Variants in MEIG1 observed in about 807,000 individuals in gnomAD.
MEIG1 encodes the protein meiosis/spermiogenesis associated 1.
Under a neutral mutation model 11.3 loss-of-function variants are expected in MEIG1, and 12 were observed. The observed-to-expected ratio is 1.07, with a 90% CI of 0.68 to 1.73. The LOEUF (loss-of-function observed/expected upper bound fraction) is 1.73, where lower values mean the gene tolerates loss of function less well. Among genes scored for constraint, MEIG1 ranks in the 40% most tolerant of loss-of-function variants. MEIG1 has a pLI of 0.00. For missense variants in MEIG1, 119 were observed against 104.9 expected (o/e 1.13, Z -0.59); for synonymous variants, 41 against 33.2 (o/e 1.24, Z -0.81).
downstream of MEIG1, among the ~76,000 whole-genome samples, chr10:14,977,762 C>T (rs909494457): frequency 5.3e-5 from 8 of 151,768 alleles, no homozygotes; most frequent in African/African-American, 1.7e-4. Flanking sequence ...TTCATAATAT[C>T]ATAGGGAGAT....
Position 14,972,563 on chromosome 10 carries a change from C to T in MEIG1, c.189C>T (p.Asp63=), listed in dbSNP as rs1372415411. ...TGYVKKLQRR[D]NTFYYYNKQR... ...ATGTGAAGAAACTTCAGAGAAGGGA[C>T]AATACGTTCTATTACTACAACAAAC... The change falls in exon 3 of 3, where the codon GAC becomes GAT. Residue 63 remains aspartate, a synonymous_variant. Coordinates refer to ENST00000407572, the MANE Select transcript of MEIG1 (RefSeq NM_001080836.3). 1.2e-6 allele frequency: 2 copies of T among 1,613,910 alleles called. No individual in the cohort carries two copies. Among genetic ancestry groups the T allele is most frequent in the Admixed American group, 1.7e-5 (1 of 59,996 alleles).
chr10:14,983,729 G>T (rs755758393), intron 1 of MEIG1, among the ~76,000 whole-genome samples: 1 of 152,022 alleles, frequency 6.6e-6, no homozygotes. Context: ...TGTGCAGGGC[G>T]GGGGAGGATA....
At chr10:14,974,651 A>G (rs970498721), downstream of MEIG1, among the ~76,000 whole-genome samples, 1 of 152,114 alleles carries the variant, frequency 6.6e-6, no homozygotes, top group Non-Finnish European at 1.5e-5. Context: ...TTAATAACTG[A>G]TCATATAATT....
chr10:14,958,302 T>C (rs1348586961), upstream of MEIG1, among the ~76,000 whole-genome samples: 1 of 152,184 alleles, frequency 6.6e-6, no homozygotes, highest in Non-Finnish European at 1.5e-5. Flanking sequence ...TGTAAGTAAA[T>C]AGTTTTTTGT....
At chr10:14,958,695 G>C (rs1175962062), upstream of MEIG1, among the ~76,000 whole-genome samples, 2 of 152,138 alleles carry the variant, frequency 1.3e-5, no homozygotes, top group East Asian at 3.9e-4. Flanking sequence ...AGGAGATCGA[G>C]ATCATCCTGG....
chr10:14,982,131 G>T (rs1467792029), intron 1 of MEIG1, among the ~76,000 whole-genome samples: 1 of 152,222 alleles, frequency 6.6e-6, no homozygotes, highest in African/African-American at 2.4e-5. Context: ...GTATACATAT[G>T]ATAGGCCTCA....
In MEIG1 at chr10:14,966,468, C is replaced by T; in HGVS notation, c.-1C>T. 1 of 1,600,506 alleles carries T rather than the reference C, an allele frequency of 6.2e-7. No individual in the cohort carries two copies. The highest frequency in any genetic ancestry group is 1.4e-5 in the African/African-American group (1 of 74,072). On this transcript the variant is annotated 5_prime_UTR_variant, in exon 2 of 3. Transcript: ENST00000407572. Reference sequence around the variant, plus strand: ...TTATTGATAATAAGGCCTCTGTAACCATGGCTAGTTCTGACGTAAAACCAA... The same window carrying T: ...TTATTGATAATAAGGCCTCTGTAACTATGGCTAGTTCTGACGTAAAACCAA...
upstream of MEIG1, among the ~76,000 whole-genome samples, chr10:14,958,720 C>A (rs772696612): frequency 1.3e-5 from 2 of 152,070 alleles, no homozygotes; most frequent in Non-Finnish European, 2.9e-5. Context: ...CACGGTGAAA[C>A]CCCGTCTCTA....
At chr10:14,974,101 C>T (rs1843182165), downstream of MEIG1, among the ~76,000 whole-genome samples, 1 of 152,164 alleles carries the variant, frequency 6.6e-6, no homozygotes, top group African/African-American at 2.4e-5. Flanking sequence ...TCTGAGCTCC[C>T]CTCTTTAATC....
At chr10:14,981,423 A>G (rs1259001171) in intron 1 of MEIG1, among the ~76,000 whole-genome samples, 7 of 152,124 alleles carry the variant, frequency 4.6e-5, no homozygotes, top group South Asian at 4.1e-4. Context: ...ACAAAAACTG[A>G]TGAATGACTT....
chr10:14,961,491 G>C (rs975402900), intron 1 of MEIG1, among the ~76,000 whole-genome samples: 2 of 151,986 alleles, frequency 1.3e-5, no homozygotes, highest in African/African-American at 4.8e-5. Context: ...ATTTTTTTGA[G>C]ATGGTGTCTT....
chr10:14,968,199 C>T (rs903406825), intron 2 of MEIG1, among the ~76,000 whole-genome samples: 2 of 152,180 alleles, frequency 1.3e-5, no homozygotes, highest in East Asian at 1.9e-4. Context: ...TTTAAAAGTA[C>T]ATAGGAGGCT....
intron 1 of MEIG1, among the ~76,000 whole-genome samples, chr10:14,964,282 G>A (rs1385600953): frequency 1.3e-5 from 2 of 151,836 alleles, no homozygotes; most frequent in African/African-American, 4.8e-5. Context: ...CAACCACTAA[G>A]GGAACATTTA....
At chr10:14,974,719 A>C (rs1280827289), downstream of MEIG1, among the ~76,000 whole-genome samples, 5 of 152,256 alleles carry the variant, frequency 3.3e-5, no homozygotes, top group Middle Eastern at 3.4e-3. Context: ...ACTCACGATA[A>C]CAATAAATGA....
chr10:14,958,814 T>C (rs1454220037), upstream of MEIG1, among the ~76,000 whole-genome samples: 2 of 151,944 alleles, frequency 1.3e-5, no homozygotes, highest in Admixed American at 1.3e-4. Flanking sequence ...GAGAATGGCG[T>C]GAACCCGGGA....
downstream of MEIG1, among the ~76,000 whole-genome samples, chr10:14,975,808 G>A (rs1480032082): frequency 1.3e-5 from 2 of 152,092 alleles, no homozygotes; most frequent in African/African-American, 4.8e-5. Flanking sequence ...CACGCCCCCA[G>A]TGATATTGGT....
intron 1 of MEIG1, among the ~76,000 whole-genome samples, chr10:14,963,288 T>G (rs1432137367): frequency 2.0e-5 from 3 of 151,190 alleles, no homozygotes; most frequent in African/African-American, 7.3e-5. Context: ...TAGCGACGGG[T>G]TTCTCCATGT....
chr10:14,980,414 A>G (rs563218767), intron 1 of MEIG1, among the ~76,000 whole-genome samples: 1 of 152,280 alleles, frequency 6.6e-6, no homozygotes, highest in Non-Finnish European at 1.5e-5. Context: ...CTAATGTCAC[A>G]CGTGGTGTAC....
At chr10:14,967,175 C>A (rs987330832) in intron 2 of MEIG1, among the ~76,000 whole-genome samples, 9 of 117,986 alleles carry the variant, frequency 7.6e-5, no homozygotes, top group African/African-American at 2.4e-4. Flanking sequence ...GAATCTTTTG[C>A]GGTAGACCAC....
Sources: gnomAD v4.1 joint callset for allele counts (sites outside exome capture counted in the v4.1 genomes callset) on GRCh38, gnomAD v4.1.1 for gene constraint, MANE v1.5 for transcripts, NCBI Gene and HGNC (gene_info 2026-07-23, HGNC 2026-07-21) for gene names.